PLAGL1: variants seen among roughly 807,000 people sequenced by gnomAD.
The protein encoded by PLAGL1 is PLAG1 like zinc finger 1.
Under a neutral mutation model 4.6 loss-of-function variants are expected in PLAGL1, and 1 was observed. The observed-to-expected ratio is 0.22, with a 90% CI of 0.08 to 1.03. The LOEUF is 1.03. PLAGL1 is among the 50% of genes least tolerant of loss of function. The pLI is 0.58. For missense variants in PLAGL1, 464 were observed against 570.4 expected (o/e 0.81, Z 1.90); for synonymous variants, 240 against 237.8 (o/e 1.01, Z -0.08).
intron 7 of PLAGL1, among the ~76,000 whole-genome samples, chr6:143,944,467 CAAAAAA>C (rs1486047852): frequency 6.6e-6 from 1 of 152,088 alleles, no homozygotes; most frequent in East Asian, 1.9e-4. Context: ...CAAACAAAAA[CAAAAAA>C]GGCCTGCTGT....
chr6:143,990,407 T>C lies in PLAGL1; in HGVS notation c.-583-5233A>G, dbSNP rs1790215723. On this transcript the variant is annotated intron_variant, in intron 1 of 7. Coordinates refer to ENST00000674357, the MANE Select transcript of PLAGL1 (RefSeq NM_001317162.2). This position sits in a 1 kb window ranked among gnomAD's most constrained non-coding sequence, Gnocchi z 5.4. Reference sequence around the variant, plus strand: ...GTGCAGGGATTACAGGTGTGAGCCATCGTGCCCGGCTGATATTCCTCAATT... The same window carrying C: ...GTGCAGGGATTACAGGTGTGAGCCACCGTGCCCGGCTGATATTCCTCAATT... 6.6e-6 allele frequency among the ~76,000 whole-genome samples: 1 copy of C among 152,124 alleles called. No individual in the cohort carries two copies. Among genetic ancestry groups the C allele is most frequent in the South Asian group, 2.1e-4 (1 of 4,828 alleles).
chr6:143,942,695 G>C lies in PLAGL1; in HGVS notation c.153-32C>G, dbSNP rs1034413127. The stretch of plus-strand genomic sequence containing the variant: ...GCAGAAGGAGAAATTTCACAATAGA[G>C]AGTTGTTTTAAGAGCTGAAGAAAGG... On this transcript the variant is annotated intron_variant, in intron 7 of 7. Coordinates refer to ENST00000674357, the MANE Select transcript of PLAGL1 (RefSeq NM_001317162.2). This position sits in a 1 kb window ranked among gnomAD's most constrained non-coding sequence, Gnocchi z 7.6. The C allele has an allele frequency of 7.0e-6, 11 of 1,561,274 alleles. No homozygotes were observed. The Admixed American group carries it at 1.4e-4, about 21-fold the overall frequency.
chr6:144,044,808 G>A (rs769264691), intron 1 of PLAGL1, among the ~76,000 whole-genome samples: 1 of 152,128 alleles, frequency 6.6e-6, no homozygotes, highest in Non-Finnish European at 1.5e-5. Flanking sequence ...GGGAGTCTAA[G>A]TCTCTTTTTA....
Position 143,960,984 on chromosome 6 carries a change from A to C in PLAGL1, c.-398-442T>G, listed in dbSNP as rs987444842. 6.6e-5 allele frequency: 10 copies of C among 152,244 alleles called. No homozygotes were observed. The highest frequency in any genetic ancestry group is 5.9e-5 in the Non-Finnish European group (4 of 68,040). The allele number at this position is 152,244 out of a possible 1,614,324, so 9.4% of individuals were successfully genotyped here. On this transcript the variant is annotated intron_variant, in intron 5 of 7. Transcript: ENST00000674357. This position sits in a 1 kb window ranked among gnomAD's most constrained non-coding sequence, Gnocchi z 5.7. ...CAACAAAGGAGATTCATATAAACAA[A>C]GATTTATCAAATTTGCAGTGCAAGA...
In PLAGL1 at chr6:143,985,982, T is replaced by TTATATATATATATATATATATATA. The variant is rs55768066; in HGVS notation, c.-583-832_-583-809dup. ...TATATCAAATTATATATATATAAAA[T>TTATATATATATATATATATATATA]TATATATATATATATATATATATAT... On this transcript the variant is annotated intron_variant, in intron 1 of 7. Transcript: ENST00000674357. This position sits in a 1 kb window ranked among gnomAD's most constrained non-coding sequence, Gnocchi z 4.4. 2.9e-3 allele frequency among the ~76,000 whole-genome samples: 319 copies of TTATATATATATATATATATATATA among 111,484 alleles called. 21 individuals are homozygous for TTATATATATATATATATATATATA. The highest frequency in any genetic ancestry group is 7.6e-3 in the East Asian group (28 of 3,692). The allele number at this position is 111,484 out of a possible 152,430, so 73.1% of individuals were successfully genotyped here.
chr6:144,040,513 A>G (rs1797646147), intron 1 of PLAGL1, among the ~76,000 whole-genome samples: 1 of 152,066 alleles, frequency 6.6e-6, no homozygotes, highest in East Asian at 1.9e-4. Context: ...TGGGTGACAG[A>G]GGGAGACTCA....
At position 143,958,621 on chromosome 6, in the gene PLAGL1, T is replaced by C. The variant is rs1248137155; in HGVS notation, c.-325+1848A>G. 6.6e-6 allele frequency among the ~76,000 whole-genome samples: 1 copy of C among 152,232 alleles called. No homozygotes were observed. The highest frequency in any genetic ancestry group is 1.5e-5 in the Non-Finnish European group (1 of 68,038). Reference sequence around the variant, plus strand: ...CCTTTCCATGTCATGTCCAATAAATTCAAAGGATGCAAAGCAAATTGTTCA... The same window carrying C: ...CCTTTCCATGTCATGTCCAATAAATCCAAAGGATGCAAAGCAAATTGTTCA... On this transcript the variant is annotated intron_variant, in intron 6 of 7. Transcript: ENST00000674357. The surrounding 1 kb of genome is among the most constrained non-coding windows in gnomAD (Gnocchi z 5.1).
At chr6:143,993,475 G>A (rs1276339848) in intron 1 of PLAGL1, among the ~76,000 whole-genome samples, 1 of 152,096 alleles carries the variant, frequency 6.6e-6, no homozygotes, top group Non-Finnish European at 1.5e-5. Flanking sequence ...GAAAGGGAGT[G>A]AGGAGACGGC....
Position 143,965,123 on chromosome 6 carries a change from TA to T in PLAGL1, c.-430-306del, listed in dbSNP as rs1366760497. The stretch of plus-strand genomic sequence containing the variant: ...AGATCCTAACCCAAAAGAAAGGATA[TA>T]AATCTTTAATGTGTCAAATTTGTTG... On this transcript the variant is annotated intron_variant, in intron 4 of 7. Coordinates refer to ENST00000674357, the MANE Select transcript of PLAGL1 (RefSeq NM_001317162.2). This position sits in a 1 kb window ranked among gnomAD's most constrained non-coding sequence, Gnocchi z 7.5. 3 of 152,192 alleles carry T rather than the reference TA, an allele frequency of 2.0e-5. No homozygotes were observed. Among genetic ancestry groups the T allele is most frequent in the Non-Finnish European group, 4.4e-5 (3 of 68,026 alleles). 9.4% of individuals were successfully genotyped at this position (152,192 alleles called of 1,614,324 possible).
In PLAGL1 at chr6:143,940,772, GTCTT is replaced by G. The variant is rs1051422346; in HGVS notation, c.*648_*651del. 6.0e-5 allele frequency: 9 copies of G among 149,002 alleles called. No individual in the cohort carries two copies. Among genetic ancestry groups the G allele is most frequent in the South Asian group, 2.1e-4 (1 of 4,696 alleles). The allele number at this position is 149,002 out of a possible 1,614,324, so 9.2% of individuals were successfully genotyped here. Reference sequence around the variant, plus strand: ...TCAGATGTAACTGACAACCAGTTTAGTCTTTCTTTAAGATAAATGAAGTGATAAC... The same window carrying G: ...TCAGATGTAACTGACAACCAGTTTAGTCTTTAAGATAAATGAAGTGATAAC... On this transcript the variant is annotated 3_prime_UTR_variant, in exon 8 of 8. Transcript: ENST00000674357.
rs546882662 is a variant in PLAGL1, at chr6:144,055,864, C to G, written c.-151+8604G>C. 3.2e-4 allele frequency among the ~76,000 whole-genome samples: 48 copies of G among 152,314 alleles called. No homozygotes were observed. The highest frequency in any genetic ancestry group is 1.1e-3 in the African/African-American group (44 of 41,560). On this transcript the variant is annotated intron_variant, in intron 1 of 3. Transcript: ENST00000437412. This position sits in a 1 kb window ranked among gnomAD's most constrained non-coding sequence, Gnocchi z 5.0. ...TCTTTGGGTACTACATTCACACACA[C>G]AGAGAGATTCATGTTCCACCTACAT...
Position 144,056,674 on chromosome 6 carries a change from T to C in PLAGL1, c.-151+7794A>G, listed in dbSNP as rs1798999920. Among the ~76,000 whole-genome samples, 4 of 151,960 alleles carry C rather than the reference T, an allele frequency of 2.6e-5. No homozygotes were observed. ...GATAGCTCTTTGTTTTTGTTTTTGT[T>C]TTTTTAAATTTAGACAGGTTATCGC... On this transcript the variant is annotated intron_variant, in intron 1 of 3. Coordinates refer to the PLAGL1 transcript ENST00000437412. This position sits in a 1 kb window ranked among gnomAD's most constrained non-coding sequence, Gnocchi z 4.7.
At chr6:144,003,417 G>A (rs1793380565) in intron 1 of PLAGL1, among the ~76,000 whole-genome samples, 1 of 152,094 alleles carries the variant, frequency 6.6e-6, no homozygotes, top group Non-Finnish European at 1.5e-5. Flanking sequence ...GAGGTCAGGA[G>A]ATCAAGACCA....
rs958339924 is a variant in PLAGL1 at position 143,960,198 on chromosome 6, A to G, written c.-325+271T>C. On this transcript the variant is annotated intron_variant, in intron 6 of 7. Transcript: ENST00000674357. The surrounding 1 kb of genome is among the most constrained non-coding windows in gnomAD (Gnocchi z 5.7). Reference sequence around the variant, plus strand: ...ATTCCATAGATCTATGTGTATTACTAGGCTGTGGATGTGGGACAGCAGAGG... The same window carrying G: ...ATTCCATAGATCTATGTGTATTACTGGGCTGTGGATGTGGGACAGCAGAGG... Among the ~76,000 whole-genome samples the G allele has an allele frequency of 6.6e-6, 1 of 152,200 alleles. No individual in the cohort carries two copies. Among genetic ancestry groups the G allele is most frequent in the African/African-American group, 2.4e-5 (1 of 41,452 alleles).
chr6:144,010,818 G>A (rs1461533112), upstream of PLAGL1, among the ~76,000 whole-genome samples: 1 of 152,146 alleles, frequency 6.6e-6, no homozygotes, highest in Non-Finnish European at 1.5e-5. The surrounding 1 kb of genome is among the most constrained non-coding windows in gnomAD (Gnocchi z 4.1). Flanking sequence ...ACAACCATCT[G>A]ATCTGTGACA....
At chr6:144,001,993 T>TA (rs1240786120) in intron 1 of PLAGL1, among the ~76,000 whole-genome samples, 6 of 150,486 alleles carry the variant, frequency 4.0e-5, no homozygotes, top group South Asian at 2.1e-4. Flanking sequence ...ATCCTGAAAT[T>TA]AAAAAAAAAG....
rs1463975435 is a variant in PLAGL1 at position 143,958,548 on chromosome 6, A to T, written c.-325+1921T>A. Among the ~76,000 whole-genome samples, 2 of 152,214 alleles carry T rather than the reference A, an allele frequency of 1.3e-5. No individual in the cohort carries two copies. Among genetic ancestry groups the T allele is most frequent in the Non-Finnish European group, 2.9e-5 (2 of 68,040 alleles). ...GTCTGCCTCTCGGGACACAGGCCGTACTTTATTAGACACAATTATTTCAAG... is the reference window on the plus strand; with the variant it reads ...GTCTGCCTCTCGGGACACAGGCCGTTCTTTATTAGACACAATTATTTCAAG... On this transcript the variant is annotated intron_variant, in intron 6 of 7. Coordinates refer to ENST00000674357, the MANE Select transcript of PLAGL1 (RefSeq NM_001317162.2). The surrounding 1 kb of genome is among the most constrained non-coding windows in gnomAD (Gnocchi z 5.1).
At position 144,064,127 on chromosome 6, in the gene PLAGL1, T is replaced by C. The variant is rs1166165966; in HGVS notation, c.-151+341A>G. Among the ~76,000 whole-genome samples the C allele has an allele frequency of 6.6e-6, 1 of 151,192 alleles. No homozygotes were observed. The highest frequency in any genetic ancestry group is 1.5e-5 in the Non-Finnish European group (1 of 67,692). On this transcript the variant is annotated intron_variant, in intron 1 of 3. Transcript: ENST00000437412. The surrounding 1 kb of genome is among the most constrained non-coding windows in gnomAD (Gnocchi z 6.8). ...GGACAGTGGCCGGCGGGGCGGGCGC[T>C]AGGTGGCGGCTGTTCAGCTCCCACG...
rs542539776 is a variant in PLAGL1 at position 143,955,653 on chromosome 6, G to A, written c.-325+4816C>T. 4.6e-5 allele frequency among the ~76,000 whole-genome samples: 7 copies of A among 152,232 alleles called. No homozygotes were observed. The South Asian group carries it at 1.0e-3, about 23-fold the overall frequency. ...ACCAAGGGGAAAGGACGACCCAGGC[G>A]CTCACCACCAGGGAGCTGGGCAATG... On this transcript the variant is annotated intron_variant, in intron 6 of 7. Coordinates refer to ENST00000674357, the MANE Select transcript of PLAGL1 (RefSeq NM_001317162.2). The surrounding 1 kb of genome is among the most constrained non-coding windows in gnomAD (Gnocchi z 4.9).
Sources: gnomAD v4.1 joint callset for allele counts (sites outside exome capture counted in the v4.1 genomes callset) on GRCh38, gnomAD v4.1.1 for gene constraint, Gnocchi (gnomAD v3.1) non-coding constraint, MANE v1.5 for transcripts, NCBI Gene and HGNC (gene_info 2026-07-23, HGNC 2026-07-21) for gene names.